The following PCDHA13 variants were observed in gnomAD, a reference collection of about 807,000 sequenced individuals.
PCDHA13 encodes the protein protocadherin alpha-13.
In PCDHA13, 54 loss-of-function variants were observed where a neutral mutation model predicts 64.8. The observed-to-expected ratio is 0.83, with a 90% confidence interval of 0.67 to 1.04. PCDHA13 has a LOEUF of 1.04. Among genes scored for constraint, PCDHA13 ranks in the 50% least tolerant of loss-of-function variants. PCDHA13 has a pLI of 0.00. For missense variants in PCDHA13, 1,248 were observed against 1,254.3 expected, an observed-to-expected ratio of 0.99 and a Z score of 0.08; for synonymous variants, 587 against 564.4, an observed-to-expected ratio of 1.04 and a Z score of -0.57.
At position 140,884,540 on chromosome 5, in the gene PCDHA13, G is replaced by A. The variant is rs782638313; in HGVS notation, c.2272G>A (p.Val758Met). 1.9e-6 allele frequency: 3 copies of A among 1,613,998 alleles called. No homozygotes were observed. The highest frequency in any genetic ancestry group is 2.2e-5 in the South Asian group (2 of 91,086). ...GTACTCGCAGCAGAGGCGGCCGAGG[G>A]TGTGCTCTGGGGAGGGCCCGCATAA... The part of the protein sequence containing the change: ...WSYSQQRRPR[V>M]CSGEGPHKTD... Residue 758 changes from valine (V) to methionine (M), a missense_variant, in exon 1 of 4, where the codon GTG becomes ATG. Physicochemically the swap from Val to Met is conservative, Grantham distance 21 (BLOSUM62 1). Transcript: ENST00000289272.
At chr5:140,895,802 C>CTGTAT (rs1289601886) in intron 1 of PCDHA13, among the ~76,000 whole-genome samples, 86 of 152,166 alleles carry the variant, frequency 5.7e-4, no homozygotes, top group African/African-American at 1.6e-3. Context: ...ATGTACAATA[C>CTGTAT]TGTATTGTAT....
chr5:140,926,054 T>C (rs1018660828), intron 1 of PCDHA13, among the ~76,000 whole-genome samples: 1 of 152,182 alleles, frequency 6.6e-6, no homozygotes, highest in Non-Finnish European at 1.5e-5. Flanking sequence ...CCCAACCTTC[T>C]TCCCCTCCTT....
At chr5:140,988,182 G>A (rs191995725) in intron 3 of PCDHA13, among the ~76,000 whole-genome samples, 79 of 152,240 alleles carry the variant, frequency 5.2e-4, no homozygotes, top group African/African-American at 1.5e-3. Flanking sequence ...ACAGTCCTGG[G>A]AGGTGTGTGC....
At chr5:140,991,071 T>A (rs2097430480) in intron 3 of PCDHA13, among the ~76,000 whole-genome samples, 1 of 152,152 alleles carries the variant, frequency 6.6e-6, no homozygotes, top group African/African-American at 2.4e-5. Flanking sequence ...ATTCCCATGT[T>A]TCAGATAAAA....
In PCDHA13 at chr5:141,010,527, G is replaced by T; in HGVS notation, c.*590G>T. On this transcript the variant is annotated 3_prime_UTR_variant, in exon 4 of 4. Transcript: ENST00000289272. ...AAATCTTACAACTCAAGAGGTGGCA[G>T]CCACCCTCTAGGAGACAAAACTACC... The T allele has an allele frequency of 2.3e-6, 1 of 431,062 alleles. No homozygotes were observed. Among genetic ancestry groups the T allele is most frequent in the African/African-American group, 2.0e-5 (1 of 49,970 alleles). 26.7% of individuals were successfully genotyped at this position (431,062 alleles called of 1,614,324 possible).
rs760426957 is a variant in PCDHA13, at chr5:141,009,783, G to A, written c.2699G>A (p.Arg900Gln). 2.5e-6 allele frequency: 4 copies of A among 1,613,880 alleles called. No individual in the cohort carries two copies. Among genetic ancestry groups the A allele is most frequent in the Admixed American group, 3.3e-5 (2 of 59,976 alleles). Reference protein sequence around the residue: ...IPGSPAIISIRQEPTNSQIDK... With the variant: ...IPGSPAIISIQQEPTNSQIDK... ...GGATCTCCTGCAATCATCTCCATCC[G>A]GCAGGAGCCTACTAACAGCCAAATT... is the stretch of plus-strand genomic sequence containing the variant. Residue 900 changes from arginine (R) to glutamine (Q), a missense_variant, in exon 4 of 4, where the codon CGG becomes CAG. Transcript: ENST00000289272.
At chr5:140,938,876 A>AAC (rs142461507) in intron 1 of PCDHA13, among the ~76,000 whole-genome samples, 11 of 151,144 alleles carry the variant, frequency 7.3e-5, no homozygotes, top group South Asian at 2.1e-4. Context: ...GTTAAGAAGC[A>AAC]ACACACACAC....
chr5:140,960,331 A>G (rs1157705398), intron 1 of PCDHA13, among the ~76,000 whole-genome samples: 1 of 152,230 alleles, frequency 6.6e-6, no homozygotes, highest in African/African-American at 2.4e-5. Flanking sequence ...TGTGAGAAGT[A>G]CATGAGGTGA....
At chr5:140,953,408 TG>T (rs782455726) in intron 1 of PCDHA13, among the ~76,000 whole-genome samples, 5 of 152,168 alleles carry the variant, frequency 3.3e-5, no homozygotes, top group Non-Finnish European at 5.9e-5. Context: ...CTGTTGCTCC[TG>T]GCTCCTCCCC....
chr5:141,010,291 G>A lies in PCDHA13; in HGVS notation c.*354G>A. ...GGATCCTGTCTTGATGACACTTGCA[G>A]GGCAGGCTGAAAAGTTTTGAGATTG... On this transcript the variant is annotated 3_prime_UTR_variant, in exon 4 of 4. Coordinates refer to ENST00000289272, the MANE Select transcript of PCDHA13 (RefSeq NM_018904.3). 1.3e-6 allele frequency: 2 copies of A among 1,549,990 alleles called. No individual in the cohort carries two copies. The highest frequency in any genetic ancestry group is 1.2e-5 in the South Asian group (1 of 83,762).
chr5:140,968,869 C>T, intron 1 of PCDHA13: 1 of 1,614,210 alleles, frequency 6.2e-7, no homozygotes, highest in Non-Finnish European at 8.5e-7. Flanking sequence ...CTCGGACATA[C>T]TCTGAAATTA....
Position 141,011,779 on chromosome 5 carries a change from A to G in PCDHA13, c.*1842A>G, listed in dbSNP as rs1407523783. On this transcript the variant is annotated 3_prime_UTR_variant, in exon 4 of 4. Transcript: ENST00000289272. ...CTTTGAAGTTGCAGAATGCTTTGAAATTCTAATGGTATCTGAAATATCAGC... is the reference window on the plus strand; with the variant it reads ...CTTTGAAGTTGCAGAATGCTTTGAAGTTCTAATGGTATCTGAAATATCAGC... The G allele has an allele frequency of 6.5e-6, 1 of 153,778 alleles. No homozygotes were observed. Among genetic ancestry groups the G allele is most frequent in the East Asian group, 1.9e-4 (1 of 5,202 alleles). 9.5% of individuals were successfully genotyped at this position (153,778 alleles called of 1,614,324 possible).
intron 1 of PCDHA13, among the ~76,000 whole-genome samples, chr5:140,965,764 A>G (rs2095932618): frequency 6.6e-6 from 1 of 152,258 alleles, no homozygotes; most frequent in Non-Finnish European, 1.5e-5. Flanking sequence ...AATGGGTCAA[A>G]TAATAGATTT....
intron 1 of PCDHA13, among the ~76,000 whole-genome samples, chr5:140,923,207 A>G (rs2081229144): frequency 6.6e-6 from 1 of 152,144 alleles, no homozygotes. Flanking sequence ...TGGGAGGCTA[A>G]GGTGAAAGGA....
At chr5:140,974,865 G>A (rs1042029401) in intron 1 of PCDHA13, among the ~76,000 whole-genome samples, 7 of 152,026 alleles carry the variant, frequency 4.6e-5, no homozygotes, top group African/African-American at 1.4e-4. Context: ...GCCTTAATGC[G>A]GAACAGTCTA....
At chr5:140,990,341 C>A (rs2097389083) in intron 3 of PCDHA13, among the ~76,000 whole-genome samples, 1 of 152,110 alleles carries the variant, frequency 6.6e-6, no homozygotes, top group South Asian at 2.1e-4. Flanking sequence ...ATAAGTAAAG[C>A]CTGCCCTGTA....
intron 1 of PCDHA13, among the ~76,000 whole-genome samples, chr5:140,942,516 G>C (rs1172442572): frequency 2.0e-5 from 3 of 152,004 alleles, no homozygotes; most frequent in African/African-American, 7.3e-5. Flanking sequence ...AAACTCAGAG[G>C]GGAAGCAACT....
Position 140,883,401 on chromosome 5 carries a change from A to C in PCDHA13, c.1133A>C (p.Asp378Ala). 1.2e-6 allele frequency: 2 copies of C among 1,614,108 alleles called. No homozygotes were observed. The highest frequency in any genetic ancestry group is 1.7e-6 in the Non-Finnish European group (2 of 1,180,032). Residue 378 changes from aspartate (D) to alanine (A), a missense_variant, in exon 1 of 4, where the codon GAC (aspartate) becomes GCC (alanine). By Grantham distance (126) the Asp-to-Ala change is moderately radical. Transcript: ENST00000289272. ...GCCCTAATCAGTGTGTCCGATCGTG[A>C]CTCTGGCTCAAATGGACAGGTCACC... ...IIALISVSDR[D>A]SGSNGQVTCT...
intron 1 of PCDHA13, among the ~76,000 whole-genome samples, chr5:140,970,659 T>C (rs1243959173): frequency 4.6e-5 from 7 of 152,238 alleles, no homozygotes; most frequent in Non-Finnish European, 2.9e-5. Context: ...AATTGTTATC[T>C]TTCCAAATAA....
Sources: gnomAD v4.1 joint callset for allele counts (sites outside exome capture counted in the v4.1 genomes callset) on GRCh38, gnomAD v4.1.1 for gene constraint, MANE v1.5 for transcripts, NCBI Gene and HGNC (gene_info 2026-07-23, HGNC 2026-07-21) for gene names.